The following LCA5L variants were observed in gnomAD, a reference collection of about 807,000 sequenced individuals.
The protein encoded by LCA5L is lebercilin LCA5 like.
Under a neutral mutation model 45.4 loss-of-function variants are expected in LCA5L, and 35 were observed. That is an observed-to-expected ratio of 0.77 (90% CI 0.59 to 1.02). The LOEUF (loss-of-function observed/expected upper bound fraction) is 1.02. Among genes scored for constraint, LCA5L ranks in the 50% least tolerant of loss-of-function variants. LCA5L has a pLI of 0.00. For synonymous variants in LCA5L, 233 were observed against 264.7 expected, an observed-to-expected ratio of 0.88 and a Z score of 1.16; for missense variants, 668 against 761.6, an observed-to-expected ratio of 0.88 and a Z score of 1.45.
chr21:39,428,641 G>C (rs113055586), intron 4 of LCA5L, 138 bp from the exon 5 acceptor site: 27,399 of 98,234 alleles, frequency 0.28, 3,865 homozygotes, highest in Middle Eastern at 0.44. Flanking sequence ...AAGACAGGGT[G>C]TCACTCTGTT....
intron 3 of LCA5L, among the ~76,000 whole-genome samples, chr21:39,432,218 A>AGCTTTTAGGTAAAATCG (rs1027371861): frequency 5.9e-5 from 9 of 152,334 alleles, no homozygotes; most frequent in African/African-American, 9.6e-5. Context: ...CACTAAAATC[A>AGCTTTTAGGTAAAATCG]GCTTTTAGGT....
At position 39,411,714 on chromosome 21, in the gene LCA5L, A is replaced by G. The variant is rs1253650541; in HGVS notation, c.1060+4T>C. The G allele has an allele frequency of 2.1e-6, 3 of 1,400,900 alleles. No individual in the cohort carries two copies. Among genetic ancestry groups the G allele is most frequent in the Non-Finnish European group, 2.9e-6 (3 of 1,019,276 alleles). 86.8% of individuals were successfully genotyped at this position (1,400,900 alleles called of 1,614,324 possible). A position where few individuals can be genotyped will look rare whatever the true frequency, so the allele number is the denominator to read the frequency against. ...GATTTTGAGCAAAAGTAATTAAAACATACCTTTTGGATAGTCCTCTGTGTC... is the reference window on the plus strand; with the variant it reads ...GATTTTGAGCAAAAGTAATTAAAACGTACCTTTTGGATAGTCCTCTGTGTC... On this transcript the variant is annotated splice_donor_region_variant and intron_variant, in intron 8 of 10. Transcript: ENST00000288350.
At chr21:39,438,676 G>A (rs142309957) in intron 2 of LCA5L, 15 of 152,162 alleles carry the variant, frequency 9.9e-5, no homozygotes, top group African/African-American at 3.4e-4. Context: ...AAAGATGTTC[G>A]AACTTACTCA....
At chr21:39,407,714 T>C (rs2039331135) in intron 10 of LCA5L, 2 of 152,192 alleles carry the variant, frequency 1.3e-5, no homozygotes, top group African/African-American at 4.8e-5. Context: ...TCCTCCTGTC[T>C]CCCTAATGCC....
chr21:39,430,267 C>T (rs2075554661), intron 3 of LCA5L, among the ~76,000 whole-genome samples: 1 of 152,140 alleles, frequency 6.6e-6, no homozygotes, highest in African/African-American at 2.4e-5. Flanking sequence ...GTTTTTTTGG[C>T]CAGTTGTTTC....
intron 1 of LCA5L, chr21:39,444,839 T>C (rs1257428385): frequency 6.6e-6 from 1 of 152,150 alleles, no homozygotes; most frequent in East Asian, 1.9e-4. Context: ...TGGATTAAGA[T>C]TGTGGGAGGA....
intron 7 of LCA5L, among the ~76,000 whole-genome samples, chr21:39,414,903 A>G (rs1454340709): frequency 6.6e-6 from 1 of 151,918 alleles, no homozygotes; most frequent in Non-Finnish European, 1.5e-5. Flanking sequence ...CCTTTCTGGT[A>G]TTCTGGATTA....
chr21:39,427,081 G>A (rs1367722807), intron 5 of LCA5L, among the ~76,000 whole-genome samples: 1 of 152,226 alleles, frequency 6.6e-6, no homozygotes, highest in Non-Finnish European at 1.5e-5. Context: ...GACACAGCTG[G>A]TAACAGCAGA....
chr21:39,405,849 TC>T lies in LCA5L; in HGVS notation c.*32del. ...TGCAAGGCACATAAGCAGCATTATA[TC>T]AAACCAGAATGCATTAGGATATTGA... is the stretch of plus-strand genomic sequence containing the variant. On this transcript the variant is annotated 3_prime_UTR_variant, in exon 11 of 11. Transcript: ENST00000288350. The T allele has an allele frequency of 6.9e-7, 1 of 1,454,392 alleles. No homozygotes were observed. Among genetic ancestry groups the T allele is most frequent in the African/African-American group, 1.4e-5 (1 of 70,028 alleles). 90.1% of individuals were successfully genotyped at this position (1,454,392 alleles called of 1,614,324 possible).
In LCA5L at chr21:39,424,795, T is replaced by C. The variant is rs143826166; in HGVS notation, c.323-1305A>G. 1.3e-3 allele frequency among the ~76,000 whole-genome samples: 205 copies of C among 152,338 alleles called. 2 individuals are homozygous for C. The highest frequency in any genetic ancestry group is 4.4e-3 in the African/African-American group (184 of 41,580). On this transcript the variant is annotated intron_variant, in intron 5 of 10. Coordinates refer to ENST00000288350, the MANE Select transcript of LCA5L (RefSeq NM_152505.4). ...CACCAAATGAAGTAATTGGCATGTG[T>C]CCAGGGGTCTATCTTAAACAAAAAG...
chr21:39,414,806 CTA>C (rs1420397370), intron 7 of LCA5L, among the ~76,000 whole-genome samples: 3 of 144,174 alleles, frequency 2.1e-5, no homozygotes, highest in African/African-American at 7.8e-5. Flanking sequence ...TTGTGATTGT[CTA>C]TGTTTGGTTT....
rs993121511 is a variant in LCA5L at position 39,409,693 on chromosome 21, A to G, written c.1282+286T>C. ...CTGCAACCTCTGCCTCCTGGGTCCA[A>G]GCGATTTTCCTGCCTCAGCCTCCTG... On this transcript the variant is annotated intron_variant, in intron 10 of 10. Coordinates refer to ENST00000288350, the MANE Select transcript of LCA5L (RefSeq NM_152505.4). This position sits in a 1 kb window ranked among gnomAD's most constrained non-coding sequence, Gnocchi z 4.2. Among the ~76,000 whole-genome samples, 6 of 152,138 alleles carry G rather than the reference A, an allele frequency of 3.9e-5. No individual in the cohort carries two copies. Among genetic ancestry groups the G allele is most frequent in the African/African-American group, 7.2e-5 (3 of 41,430 alleles).
chr21:39,416,949 C>T (rs932755882), intron 7 of LCA5L, among the ~76,000 whole-genome samples: 3 of 152,192 alleles, frequency 2.0e-5, no homozygotes, highest in African/African-American at 7.2e-5. Flanking sequence ...TCCCTGTCTG[C>T]AGGTTCTGCA....
intron 7 of LCA5L, among the ~76,000 whole-genome samples, chr21:39,413,649 T>G (rs915744164): frequency 1.3e-5 from 2 of 152,232 alleles, no homozygotes; most frequent in East Asian, 1.9e-4. Context: ...CTTTTCTTAT[T>G]GTGGTAACAG....
rs1042968067 is a variant in LCA5L at position 39,431,808 on chromosome 21, G to A, written c.-91-2597C>T. ...TGGGATTACAGGTGTAAGCCAGCGC[G>A]CCTGGCCTGCCATAAATTTTCTAGT... On this transcript the variant is annotated intron_variant, in intron 3 of 10. Coordinates refer to ENST00000288350, the MANE Select transcript of LCA5L (RefSeq NM_152505.4). Among the ~76,000 whole-genome samples the A allele has an allele frequency of 4.6e-5, 7 of 152,244 alleles. No homozygotes were observed. The South Asian group carries it at 8.3e-4, about 18-fold the overall frequency.
rs1416842638 is a variant in LCA5L, at chr21:39,444,154, A to C, written c.-265T>G. On this transcript the variant is annotated 5_prime_UTR_variant, in exon 2 of 11. Transcript: ENST00000288350. ...ACTTACTATTCAAAATGATCAGCAT[A>C]CGGATGATCATTTGTCTGCATCTCA... The C allele has an allele frequency of 1.8e-4, 27 of 152,124 alleles. No homozygotes were observed. The highest frequency in any genetic ancestry group is 5.8e-4 in the African/African-American group (24 of 41,396). 9.4% of individuals were successfully genotyped at this position (152,124 alleles called of 1,614,324 possible).
chr21:39,409,051 T>G lies in LCA5L; in HGVS notation c.1282+928A>C, dbSNP rs1414708590. ...AGCCGTAACCCCCAGTATGGCTATA[T>G]TTGGAGACTGGGTCTTTAAGGAAGT... On this transcript the variant is annotated intron_variant, in intron 10 of 10. Transcript: ENST00000288350. The surrounding 1 kb of genome is among the most constrained non-coding windows in gnomAD (Gnocchi z 4.2). Among the ~76,000 whole-genome samples, 1 of 152,224 alleles carries G rather than the reference T, an allele frequency of 6.6e-6. No homozygotes were observed. The highest frequency in any genetic ancestry group is 1.5e-5 in the Non-Finnish European group (1 of 68,032).
intron 8 of LCA5L, 116 bp from the exon 9 acceptor site, chr21:39,410,483 T>C: frequency 1.7e-6 from 1 of 577,106 alleles, no homozygotes; most frequent in South Asian, 2.5e-5. Context: ...AAGTATTTTC[T>C]AAATATTCAA....
At chr21:39,445,102 A>AAAAC (rs397789673) in intron 1 of LCA5L, among the ~76,000 whole-genome samples, 1 of 151,110 alleles carries the variant, frequency 6.6e-6, no homozygotes, top group African/African-American at 2.4e-5. Context: ...AGCCGTGAAA[A>AAAAC]CTGGTCTCTG....
Sources: allele counts gnomAD v4.1 joint callset (sites outside exome capture counted in the v4.1 genomes callset), GRCh38; gene constraint gnomAD v4.1.1; non-coding constraint Gnocchi (gnomAD v3.1); transcripts MANE v1.5; gene names NCBI Gene and HGNC (gene_info 2026-07-23, HGNC 2026-07-21).